The following EXOC4 variants were observed in gnomAD, a reference collection of about 807,000 sequenced individuals.
EXOC4 encodes the protein SEC8-like 1.
Under a neutral mutation model 107.2 loss-of-function variants are expected in EXOC4, and 71 were observed. The observed-to-expected ratio is 0.66, with a 90% CI of 0.55 to 0.81. The LOEUF (loss-of-function observed/expected upper bound fraction) is 0.81, where lower values mean the gene tolerates loss of function less well. Ranked by LOEUF, EXOC4 falls within the 30% of genes least tolerant of loss-of-function variation. The pLI is 0.00. For synonymous variants in EXOC4, 456 were observed against 441.2 expected, an observed-to-expected ratio of 1.03 and a Z score of -0.42; for missense variants, 1,108 against 1,189.6, an observed-to-expected ratio of 0.93 and a Z score of 1.01.
At chr7:134,026,364 A>G (rs551283827) in intron 17 of EXOC4, among the ~76,000 whole-genome samples, 1 of 151,716 alleles carries the variant, frequency 6.6e-6, no homozygotes, top group Non-Finnish European at 1.5e-5. Flanking sequence ...GGCTCTGTCT[A>G]TTTCTGAGCC....
In EXOC4 at chr7:133,968,723, T is replaced by C. The variant is rs150107968; in HGVS notation, c.2207-28769T>C. Among the ~76,000 whole-genome samples, 1,221 of 152,364 alleles carry C rather than the reference T, an allele frequency of 8.0e-3. 10 individuals carry two copies. The highest frequency in any genetic ancestry group is 0.014 in the Non-Finnish European group (982 of 68,044). On this transcript the variant is annotated intron_variant, in intron 14 of 17. Transcript: ENST00000253861. ...GCGGAGAGATCCACTGTTAATCTGATGGGCTTCCCTTTGTGGGTAACCCGA... is the reference window on the plus strand; with the variant it reads ...GCGGAGAGATCCACTGTTAATCTGACGGGCTTCCCTTTGTGGGTAACCCGA...
At chr7:133,856,062 A>T (rs1798366491) in intron 11 of EXOC4, among the ~76,000 whole-genome samples, 1 of 152,202 alleles carries the variant, frequency 6.6e-6, no homozygotes, top group Non-Finnish European at 1.5e-5. Context: ...CAAACCCTAC[A>T]TGCTTATTAA....
chr7:133,546,519 G>A (rs1800485433), intron 9 of EXOC4, among the ~76,000 whole-genome samples: 1 of 152,118 alleles, frequency 6.6e-6, no homozygotes, highest in African/African-American at 2.4e-5. Flanking sequence ...GCCTCCCAGT[G>A]TGCTGGGATT....
intron 7 of EXOC4, among the ~76,000 whole-genome samples, chr7:133,432,268 G>A (rs1251277488): frequency 6.6e-6 from 1 of 151,858 alleles, no homozygotes; most frequent in African/African-American, 2.4e-5. Context: ...TTCAAATTCT[G>A]GCTCTACATC....
chr7:133,289,212 C>A, intron 3 of EXOC4, 96 bp downstream of exon 3: 1 of 1,043,298 alleles, frequency 9.6e-7, no homozygotes, highest in Non-Finnish European at 1.4e-6. Flanking sequence ...TAGCACATTA[C>A]AAACTGCCCT....
At chr7:134,019,498 C>T (rs1048739586) in intron 17 of EXOC4, among the ~76,000 whole-genome samples, 1 of 152,038 alleles carries the variant, frequency 6.6e-6, no homozygotes, top group African/African-American at 2.4e-5. Context: ...ATATAATGAT[C>T]TCAGCACATG....
At chr7:133,999,351 C>T (rs1794474867) in intron 15 of EXOC4, among the ~76,000 whole-genome samples, 3 of 152,074 alleles carry the variant, frequency 2.0e-5, no homozygotes, top group Non-Finnish European at 4.4e-5. Flanking sequence ...TGCTTTTTAT[C>T]CTTCATTACC....
chr7:134,032,098 C>G (rs1209464812), intron 17 of EXOC4, among the ~76,000 whole-genome samples: 1 of 152,142 alleles, frequency 6.6e-6, no homozygotes, highest in Non-Finnish European at 1.5e-5. Context: ...GAGATGTTGA[C>G]AAAGGCTTTT....
At chr7:133,256,617 T>C (rs1031684453) in intron 1 of EXOC4, among the ~76,000 whole-genome samples, 1 of 152,268 alleles carries the variant, frequency 6.6e-6, no homozygotes, top group Non-Finnish European at 1.5e-5. Context: ...TTTTCTTTTT[T>C]GAATAGTGAG....
chr7:133,733,952 TA>T (rs1338866309), intron 10 of EXOC4, among the ~76,000 whole-genome samples: 4 of 152,344 alleles, frequency 2.6e-5, no homozygotes, highest in African/African-American at 9.6e-5. Context: ...ATATGATATT[TA>T]AATAAAATCC....
chr7:133,260,770 T>C (rs998147162), intron 1 of EXOC4, among the ~76,000 whole-genome samples: 1 of 152,152 alleles, frequency 6.6e-6, no homozygotes, highest in African/African-American at 2.4e-5. Flanking sequence ...CTCCATTTAA[T>C]TCTTCAATTG....
chr7:133,501,520 G>GAT, intron 9 of EXOC4, among the ~76,000 whole-genome samples: 1 of 152,154 alleles, frequency 6.6e-6, no homozygotes, highest in East Asian at 1.9e-4. Context: ...AGATATGTGT[G>GAT]ATAATATATG....
chr7:133,971,387 G>T (rs1005622581), intron 14 of EXOC4, among the ~76,000 whole-genome samples: 5 of 142,250 alleles, frequency 3.5e-5, no homozygotes, highest in Non-Finnish European at 4.6e-5. Flanking sequence ...GAGAGAGAGA[G>T]AGAGAGAGAG....
chr7:133,327,231 C>T lies in EXOC4; in HGVS notation c.763+9841C>T, dbSNP rs561893557. 8.5e-4 allele frequency among the ~76,000 whole-genome samples: 130 copies of T among 152,312 alleles called. 2 individuals are homozygous for T. Among genetic ancestry groups the T allele is most frequent in the African/African-American group, 2.7e-3 (111 of 41,570 alleles). On this transcript the variant is annotated intron_variant, in intron 5 of 17. Transcript: ENST00000253861. ...CACCCACTGTCCTGCCCCCACTGTC[C>T]GACAAGCCCCAGTGAGATGAACCCA...
chr7:133,864,709 A>G (rs917075525), intron 11 of EXOC4, among the ~76,000 whole-genome samples: 3 of 152,228 alleles, frequency 2.0e-5, no homozygotes, highest in Middle Eastern at 3.2e-3. Flanking sequence ...TTTTGTGAGT[A>G]TATGTGCCAG....
the EXOC4 span, among the ~76,000 whole-genome samples, chr7:134,078,738 CT>C: frequency 6.6e-6 from 1 of 152,200 alleles, no homozygotes; most frequent in Non-Finnish European, 1.5e-5. Context: ...ATTCAGCTAG[CT>C]TTAAGAGACT....
At chr7:133,779,861 G>A (rs1367715613) in intron 10 of EXOC4, among the ~76,000 whole-genome samples, 2 of 142,398 alleles carry the variant, frequency 1.4e-5, no homozygotes, top group Non-Finnish European at 3.1e-5. Flanking sequence ...GAATAAACCT[G>A]GCCACCCCAG....
intron 10 of EXOC4, among the ~76,000 whole-genome samples, chr7:133,780,564 A>C (rs923879708): frequency 1.3e-5 from 2 of 152,150 alleles, no homozygotes; most frequent in African/African-American, 4.8e-5. Context: ...ATTCACTAGG[A>C]GTCTACAGGA....
At chr7:133,987,009 A>G (rs1333749110) in intron 14 of EXOC4, among the ~76,000 whole-genome samples, 1 of 152,170 alleles carries the variant, frequency 6.6e-6, no homozygotes, top group Admixed American at 6.5e-5. Flanking sequence ...AGACCTAATG[A>G]GCATTCCTAT....
Sources: gnomAD v4.1 joint callset for allele counts (sites outside exome capture counted in the v4.1 genomes callset) on GRCh38, gnomAD v4.1.1 for gene constraint, MANE v1.5 for transcripts, NCBI Gene and HGNC (gene_info 2026-07-23, HGNC 2026-07-21) for gene names.